The following AJAP1 variants were observed in gnomAD, a reference collection of about 807,000 sequenced individuals.
AJAP1 encodes adherens junctions associated protein 1.
AJAP1 carries 5 observed loss-of-function variants against 35.0 expected under a neutral mutation model. The observed-to-expected ratio is 0.14, with a 90% CI of 0.07 to 0.30. The LOEUF (loss-of-function observed/expected upper bound fraction) is 0.30. Ranked by LOEUF, AJAP1 falls within the 10% of genes least tolerant of loss-of-function variation. The pLI, the probability that AJAP1 is intolerant of heterozygous loss-of-function variation, is 1.00. For missense variants in AJAP1, 586 were observed against 571.0 expected (o/e 1.03, Z -0.27); for synonymous variants, 284 against 249.3 (o/e 1.14, Z -1.31).
intron 2 of AJAP1, among the ~76,000 whole-genome samples, chr1:4,742,624 A>G (rs1321684260): frequency 1.3e-5 from 2 of 152,188 alleles, no homozygotes; most frequent in African/African-American, 2.4e-5. Flanking sequence ...TTTTTTAACT[A>G]TAGTGTAAAA....
chr1:4,658,804 C>T, intron 1 of AJAP1, among the ~76,000 whole-genome samples: 1 of 152,170 alleles, frequency 6.6e-6, no homozygotes, highest in East Asian at 1.9e-4. Context: ...GGGAGCAGGG[C>T]AACGCAGCTC....
chr1:4,697,700 G>C (rs1197730640), intron 1 of AJAP1, among the ~76,000 whole-genome samples: 1 of 152,248 alleles, frequency 6.6e-6, no homozygotes, highest in East Asian at 1.9e-4. Context: ...GGGTAACATG[G>C]GGAGAGTAGC....
At chr1:4,679,419 G>A (rs1327307569) in intron 1 of AJAP1, among the ~76,000 whole-genome samples, 1 of 152,166 alleles carries the variant, frequency 6.6e-6, no homozygotes, top group Non-Finnish European at 1.5e-5. Flanking sequence ...TTATATTCTG[G>A]AATCTTTATT....
chr1:4,661,245 TC>T (rs796334212), intron 1 of AJAP1, among the ~76,000 whole-genome samples: 13 of 152,360 alleles, frequency 8.5e-5, no homozygotes, highest in African/African-American at 3.1e-4. Flanking sequence ...ATACTCTTTC[TC>T]TTTTCACATC....
intron 2 of AJAP1, among the ~76,000 whole-genome samples, chr1:4,718,863 G>A (rs909221959): frequency 2.0e-5 from 3 of 152,092 alleles, no homozygotes; most frequent in African/African-American, 7.2e-5. Context: ...TTTACTTGTT[G>A]ACCTGTTCAG....
intron 2 of AJAP1, among the ~76,000 whole-genome samples, chr1:4,715,132 A>T (rs550408171): frequency 5.9e-5 from 9 of 152,342 alleles, no homozygotes; most frequent in African/African-American, 2.2e-4. Context: ...CTTGCTTGGC[A>T]GTCATCAGAT....
At chr1:4,721,911 G>A (rs1331938346) in intron 2 of AJAP1, among the ~76,000 whole-genome samples, 2 of 152,184 alleles carry the variant, frequency 1.3e-5, no homozygotes, top group East Asian at 3.8e-4. Context: ...AGGGTAAAAC[G>A]CTGTATTTGT....
In AJAP1 at chr1:4,712,266, T is replaced by A; in HGVS notation, c.396T>A (p.Ser132=). ...CCAAATCCAGCCCTTCCCTCGCCTCTTCGTCCTCGTCCTCGTCCTCCGCGG... is the reference window on the plus strand; with the variant it reads ...CCAAATCCAGCCCTTCCCTCGCCTCATCGTCCTCGTCCTCGTCCTCCGCGG... The part of the protein sequence containing the change: ...AAAKSSPSLA[S]SSSSSSSAVA... The change falls in exon 2 of 6, where the codon TCT becomes TCA. Residue 132 remains serine, a synonymous_variant. Coordinates refer to ENST00000378191, the MANE Select transcript of AJAP1 (RefSeq NM_018836.4). 6.6e-7 allele frequency: 1 copy of A among 1,522,648 alleles called. No individual in the cohort carries two copies. The allele number at this position is 1,522,648 out of a possible 1,614,324, so 94.3% of individuals were successfully genotyped here. A position where few individuals can be genotyped will look rare whatever the true frequency, so the allele number is the denominator to read the frequency against.
In AJAP1 at chr1:4,656,250, C is replaced by T. The variant is rs1279723002; in HGVS notation, c.29+796C>T. Among the ~76,000 whole-genome samples the T allele has an allele frequency of 2.0e-5, 3 of 152,180 alleles. No individual in the cohort carries two copies. The highest frequency in any genetic ancestry group is 1.9e-4 in the East Asian group (1 of 5,160). On this transcript the variant is annotated intron_variant, in intron 1 of 5. Transcript: ENST00000378191. This position sits in a 1 kb window ranked among gnomAD's most constrained non-coding sequence, Gnocchi z 5.7. ...CCCTTCTCGGCAAACTTTGCCAGCC[C>T]GCCGGGGTTCTCGGGCTTCTCTGGC...
chr1:4,777,335 T>C (rs959660999), intron 5 of AJAP1: 1 of 152,250 alleles, frequency 6.6e-6, no homozygotes, highest in East Asian at 1.9e-4. Context: ...CACCATTGTC[T>C]TTCTTCTCAG....
chr1:4,717,951 A>C (rs1354167588), intron 2 of AJAP1, among the ~76,000 whole-genome samples: 1 of 152,254 alleles, frequency 6.6e-6, no homozygotes, highest in Admixed American at 6.5e-5. Context: ...AGATATTTGA[A>C]GCAAATGACT....
Position 4,769,958 on chromosome 1 carries a change from C to T in AJAP1, c.917+18C>T. 1.3e-6 allele frequency: 2 copies of T among 1,598,542 alleles called. No individual in the cohort carries two copies. Among genetic ancestry groups the T allele is most frequent in the Non-Finnish European group, 1.7e-6 (2 of 1,166,162 alleles). On this transcript the variant is annotated intron_variant, in intron 3 of 5. Coordinates refer to ENST00000378191, the MANE Select transcript of AJAP1 (RefSeq NM_018836.4). ...AAAAATTGGTAAGGCTCCTTGGGCC[C>T]TTCTGGCCCAGAAATGGGGGACTAC... is the stretch of plus-strand genomic sequence containing the variant.
chr1:4,678,692 A>G (rs1451650296), intron 1 of AJAP1, among the ~76,000 whole-genome samples: 1 of 152,208 alleles, frequency 6.6e-6, no homozygotes. Flanking sequence ...CCTGTTGGCT[A>G]GAAGTGAGTC....
intron 2 of AJAP1, among the ~76,000 whole-genome samples, chr1:4,722,634 G>A (rs977301386): frequency 4.6e-5 from 7 of 152,184 alleles, no homozygotes; most frequent in East Asian, 3.9e-4. Flanking sequence ...TGGTCCCTCC[G>A]GAGGCCCTGG....
In AJAP1 at chr1:4,686,606, C is replaced by G. The variant is rs549132077; in HGVS notation, c.30-25294C>G. On this transcript the variant is annotated intron_variant, in intron 1 of 5. Transcript: ENST00000378191. The stretch of plus-strand genomic sequence containing the variant: ...AAGCCCACGCCAGCCTTCCGCAGAG[C>G]TTTGCCGAGCAGGAGGCCTTCAATG... Among the ~76,000 whole-genome samples, 220 of 152,352 alleles carry G rather than the reference C, an allele frequency of 1.4e-3. 2 individuals are homozygous for G. Among genetic ancestry groups the G allele is most frequent in the Non-Finnish European group, 2.6e-3 (177 of 68,032 alleles).
chr1:4,729,499 C>T (rs757370163), intron 2 of AJAP1, among the ~76,000 whole-genome samples: 5 of 127,474 alleles, frequency 3.9e-5, no homozygotes, highest in Middle Eastern at 3.7e-3. Context: ...GACAGTTGCT[C>T]GTTGAAGTAT....
At chr1:4,763,066 G>A (rs1641607859) in intron 2 of AJAP1, among the ~76,000 whole-genome samples, 2 of 152,166 alleles carry the variant, frequency 1.3e-5, no homozygotes, top group Non-Finnish European at 2.9e-5. Context: ...GCACACTGGG[G>A]GTGACCCTCC....
intron 5 of AJAP1, 122 bp downstream of exon 5, chr1:4,774,680 G>T (rs553876158): frequency 6.9e-4 from 421 of 608,406 alleles, no homozygotes; most frequent in Non-Finnish European, 1.1e-3. Context: ...ATTTCCAATG[G>T]CATCACTTCT....
At position 4,656,130 on chromosome 1, in the gene AJAP1, C is replaced by T. The variant is rs1638876250; in HGVS notation, c.29+676C>T. 6.6e-6 allele frequency among the ~76,000 whole-genome samples: 1 copy of T among 152,048 alleles called. No individual in the cohort carries two copies. The highest frequency in any genetic ancestry group is 1.5e-5 in the Non-Finnish European group (1 of 68,002). On this transcript the variant is annotated intron_variant, in intron 1 of 5. Coordinates refer to ENST00000378191, the MANE Select transcript of AJAP1 (RefSeq NM_018836.4). This position sits in a 1 kb window ranked among gnomAD's most constrained non-coding sequence, Gnocchi z 5.7. Reference sequence around the variant, plus strand: ...GTAAACACACACGCACATACGCCCGCCGGCGCGCCCGGGGCTTGTCTGTGT... The same window carrying T: ...GTAAACACACACGCACATACGCCCGTCGGCGCGCCCGGGGCTTGTCTGTGT...
Sources: gnomAD v4.1 joint callset for allele counts (sites outside exome capture counted in the v4.1 genomes callset) on GRCh38, gnomAD v4.1.1 for gene constraint, Gnocchi (gnomAD v3.1) non-coding constraint, MANE v1.5 for transcripts, NCBI Gene and HGNC (gene_info 2026-07-23, HGNC 2026-07-21) for gene names.